Variants in TTC28 observed in about 807,000 individuals in gnomAD.
TTC28 encodes tetratricopeptide repeat domain 28, also known as tetratricopeptide repeat protein 28.
In TTC28, 61 loss-of-function variants were observed where a neutral mutation model predicts 198.0. That is an observed-to-expected ratio of 0.31 (90% CI 0.25 to 0.38). TTC28 has a LOEUF of 0.38. TTC28 is among the 10% of genes least tolerant of loss of function. TTC28 has a pLI of 1.00. For missense variants in TTC28, 2,678 were observed against 3,164.0 expected (o/e 0.85, Z 3.69); for synonymous variants, 1,171 against 1,297.8 (o/e 0.90, Z 2.10).
At chr22:28,347,491 G>A (rs770574417) in intron 2 of TTC28, among the ~76,000 whole-genome samples, 17 of 152,104 alleles carry the variant, frequency 1.1e-4, no homozygotes, top group Non-Finnish European at 1.9e-4. Flanking sequence ...ATATATAAGC[G>A]CATAAAGTAC....
chr22:28,663,216 C>G (rs2051778574), intron 1 of TTC28, among the ~76,000 whole-genome samples: 1 of 150,696 alleles, frequency 6.6e-6, no homozygotes, highest in African/African-American at 2.4e-5. Context: ...CCGCTGCACT[C>G]CAGCCTGGGA....
At chr22:28,646,862 G>A (rs986537502) in intron 1 of TTC28, among the ~76,000 whole-genome samples, 4 of 151,630 alleles carry the variant, frequency 2.6e-5, no homozygotes, top group Non-Finnish European at 5.9e-5. Flanking sequence ...AAACTCTGTC[G>A]AAAGAAAGAA....
intron 2 of TTC28, among the ~76,000 whole-genome samples, chr22:28,604,977 T>C (rs2050707196): frequency 6.6e-6 from 1 of 152,144 alleles, no homozygotes; most frequent in Non-Finnish European, 1.5e-5. Flanking sequence ...CATCTAAGAG[T>C]TGGAAATGAA....
intron 6 of TTC28, among the ~76,000 whole-genome samples, chr22:28,140,846 A>ACAGT (rs1205493918): frequency 6.6e-6 from 1 of 152,160 alleles, no homozygotes; most frequent in East Asian, 1.9e-4. Flanking sequence ...TTTTACTTGG[A>ACAGT]AAATATAGTT....
At chr22:28,550,340 T>C (rs1187256573) in intron 2 of TTC28, among the ~76,000 whole-genome samples, 1 of 152,178 alleles carries the variant, frequency 6.6e-6, no homozygotes, top group Non-Finnish European at 1.5e-5. Context: ...AAGGTTTATC[T>C]ACATTACTAT....
At chr22:28,088,533 A>C (rs904852735) in intron 12 of TTC28, among the ~76,000 whole-genome samples, 7 of 151,476 alleles carry the variant, frequency 4.6e-5, no homozygotes, top group African/African-American at 1.4e-4. Flanking sequence ...TAAAGACTTA[A>C]ACGTTAGACC....
intron 8 of TTC28, among the ~76,000 whole-genome samples, chr22:28,101,782 TAAAAAAAAAAAAAAAA>T (rs11459818): frequency 9.4e-5 from 5 of 53,128 alleles, no homozygotes; most frequent in Admixed American, 5.3e-4. Context: ...CCATCTCTGT[TAAAAAAAAAAAAAAAA>T]AAAAAAAAAA....
At chr22:28,193,497 G>T in intron 5 of TTC28, among the ~76,000 whole-genome samples, 1 of 152,128 alleles carries the variant, frequency 6.6e-6, no homozygotes, top group Non-Finnish European at 1.5e-5. Context: ...CTGGCAAATT[G>T]ATTAAACAGT....
intron 5 of TTC28, among the ~76,000 whole-genome samples, chr22:28,276,068 G>C (rs752048971): frequency 4.6e-5 from 7 of 151,948 alleles, no homozygotes; most frequent in Non-Finnish European, 8.8e-5. Context: ...CTGGAGTGCA[G>C]TGACTTGATC....
chr22:28,434,719 T>G (rs1483113848), intron 2 of TTC28, among the ~76,000 whole-genome samples: 1 of 152,180 alleles, frequency 6.6e-6, no homozygotes. Flanking sequence ...ACTCCTGGAT[T>G]TCATCCTTCC....
intron 1 of TTC28, among the ~76,000 whole-genome samples, chr22:28,641,734 T>C (rs1487846655): frequency 6.6e-6 from 1 of 151,722 alleles, no homozygotes; most frequent in Non-Finnish European, 1.5e-5. Flanking sequence ...AAAAGAAATA[T>C]TAAAGAAAAT....
chr22:28,567,967 T>C (rs1407084764), intron 2 of TTC28, among the ~76,000 whole-genome samples: 13 of 151,936 alleles, frequency 8.6e-5, no homozygotes, highest in Admixed American at 7.9e-4. Context: ...GTTTAGATAA[T>C]TGGGGAACAA....
chr22:27,983,867 A>G lies in TTC28; in HGVS notation c.5816-16T>C. On this transcript the variant is annotated splice_polypyrimidine_tract_variant and intron_variant, in intron 22 of 22. Coordinates refer to ENST00000397906, the MANE Select transcript of TTC28 (RefSeq NM_001145418.2). ...TCAGTAGAATCTAAGCACAAAACAC[A>G]AGGGCCCCAAGGACAGTTAGAATTC... 6.5e-7 allele frequency: 1 copy of G among 1,535,840 alleles called. No individual in the cohort carries two copies. The highest frequency in any genetic ancestry group is 1.2e-5 in the South Asian group (1 of 81,284).
chr22:28,482,207 CTTTTTTTTTTTT>C (rs36011379), intron 2 of TTC28, among the ~76,000 whole-genome samples: 1 of 66,912 alleles, frequency 1.5e-5, no homozygotes, highest in Non-Finnish European at 2.6e-5. Flanking sequence ...AATGGGCAGT[CTTTTTTTTTTTT>C]TTTTTTTTTT....
At chr22:28,634,380 C>T (rs1460013057) in intron 1 of TTC28, among the ~76,000 whole-genome samples, 3 of 151,554 alleles carry the variant, frequency 2.0e-5, no homozygotes, top group African/African-American at 7.3e-5. Flanking sequence ...CGTGGTGGCA[C>T]GAGCCTGTAG....
At chr22:28,609,483 G>C (rs533302511) in intron 2 of TTC28, among the ~76,000 whole-genome samples, 1 of 152,138 alleles carries the variant, frequency 6.6e-6, no homozygotes, top group Non-Finnish European at 1.5e-5. Context: ...CAAGGGGTCG[G>C]GGAATTCCCT....
At chr22:28,656,524 T>C (rs937607219) in intron 1 of TTC28, among the ~76,000 whole-genome samples, 5 of 152,176 alleles carry the variant, frequency 3.3e-5, no homozygotes, top group Non-Finnish European at 5.9e-5. Flanking sequence ...GCAGAATACA[T>C]AAGATATCTT....
At chr22:28,057,176 CAT>C (rs1940322710) in intron 12 of TTC28, among the ~76,000 whole-genome samples, 1 of 152,050 alleles carries the variant, frequency 6.6e-6, no homozygotes, top group Non-Finnish European at 1.5e-5. Flanking sequence ...ATTGATGATC[CAT>C]AGAGTAGGTA....
intron 1 of TTC28, among the ~76,000 whole-genome samples, chr22:28,676,253 A>T (rs1265453498): frequency 2.0e-5 from 3 of 152,236 alleles, no homozygotes; most frequent in African/African-American, 7.2e-5. Flanking sequence ...AAATAAGTCA[A>T]TCACAAAAGA....
Sources: gnomAD v4.1 joint callset for allele counts (sites outside exome capture counted in the v4.1 genomes callset) on GRCh38, gnomAD v4.1.1 for gene constraint, MANE v1.5 for transcripts, NCBI Gene and HGNC (gene_info 2026-07-23, HGNC 2026-07-21) for gene names.